Variants in TAX1BP1 observed in about 807,000 individuals in gnomAD.
TAX1BP1 encodes Tax1 binding protein 1, also known as tax1-binding protein 1.
TAX1BP1 carries 62 observed loss-of-function variants against 97.7 expected under a neutral mutation model. That is an observed-to-expected ratio of 0.63 (90% CI 0.52 to 0.78). The LOEUF is 0.78. Ranked by LOEUF, TAX1BP1 falls within the 30% of genes least tolerant of loss-of-function variation. The pLI is 0.00. For synonymous variants in TAX1BP1, 340 were observed against 304.2 expected (o/e 1.12, Z -1.23); for missense variants, 867 against 916.1 (o/e 0.95, Z 0.69).
Position 27,766,194 on chromosome 7 carries a change from G to T in TAX1BP1, c.453+173G>T, listed in dbSNP as rs1788626568. ...CCGGCACTCTGGGAGGCCGAGGCAG[G>T]CAGATCACGATGTCAGGATATCGAG... is the stretch of plus-strand genomic sequence containing the variant. On this transcript the variant is annotated intron_variant, in intron 4 of 16. Transcript: ENST00000396319. Among the ~76,000 whole-genome samples the T allele has an allele frequency of 1.3e-5, 2 of 152,084 alleles. 1 individual carries two copies. The highest frequency in any genetic ancestry group is 4.1e-4 in the South Asian group (2 of 4,832).
chr7:27,749,649 A>G (rs1787952349), intron 2 of TAX1BP1, among the ~76,000 whole-genome samples: 1 of 152,208 alleles, frequency 6.6e-6, no homozygotes, highest in African/African-American at 2.4e-5. Flanking sequence ...CCTTTCTTTG[A>G]ATTCCTCATT....
At chr7:27,744,314 A>G (rs1787737645) in intron 1 of TAX1BP1, among the ~76,000 whole-genome samples, 1 of 151,966 alleles carries the variant, frequency 6.6e-6, no homozygotes, top group Non-Finnish European at 1.5e-5. Flanking sequence ...TTTAGTAGAG[A>G]TGGGTTTTCA....
At position 27,785,442 on chromosome 7, in the gene TAX1BP1, C is replaced by T. The variant is rs142832236; in HGVS notation, c.805C>T (p.Leu269Phe). Reference sequence around the variant, plus strand: ...GAAGGCACAACATGAAAGAGAACAACTTGAATGTCAGTTGAAGACAGAGAA... The same window carrying T: ...GAAGGCACAACATGAAAGAGAACAATTTGAATGTCAGTTGAAGACAGAGAA... Reference protein sequence around the residue: ...LKKAQHEREQLECQLKTEKDE... With the variant: ...LKKAQHEREQFECQLKTEKDE... Residue 269 changes from leucine to phenylalanine, a missense_variant, in exon 7 of 17, where the codon CTT (leucine) becomes TTT (phenylalanine). This residue lies in a region of TAX1BP1 where 822 missense variants were observed against 851.4 expected (regional missense o/e 0.97). Coordinates refer to ENST00000396319, the MANE Select transcript of TAX1BP1 (RefSeq NM_006024.7). The T allele has an allele frequency of 2.8e-4, 455 of 1,613,618 alleles. 1 individual carries two copies. Among genetic ancestry groups the T allele is most frequent in the South Asian group, 1.9e-3 (176 of 90,928 alleles).
At chr7:27,778,649 G>A (rs1411968651) in intron 5 of TAX1BP1, among the ~76,000 whole-genome samples, 2 of 152,054 alleles carry the variant, frequency 1.3e-5, no homozygotes, top group Admixed American at 6.5e-5. Flanking sequence ...TGGATCACAA[G>A]GTCAAGAGAT....
intron 2 of TAX1BP1, among the ~76,000 whole-genome samples, chr7:27,754,280 T>C (rs902214406): frequency 5.9e-5 from 9 of 151,696 alleles, no homozygotes; most frequent in South Asian, 2.1e-4. Flanking sequence ...TTTTCCTCCT[T>C]CTTCTCTTTT....
intron 12 of TAX1BP1, among the ~76,000 whole-genome samples, chr7:27,799,341 T>TA (rs1312873957): frequency 6.6e-6 from 1 of 152,216 alleles, no homozygotes; most frequent in Non-Finnish European, 1.5e-5. Context: ...TCATGATTTG[T>TA]AAGTCCTCCT....
At chr7:27,758,193 T>C in intron 3 of TAX1BP1, 60 bp downstream of exon 3, 2 of 1,276,672 alleles carry the variant, frequency 1.6e-6, no homozygotes, top group Non-Finnish European at 2.2e-6. Flanking sequence ...ATTAAAGATG[T>C]TGTACTCCAT....
chr7:27,745,605 A>G (rs1366743448), intron 1 of TAX1BP1, among the ~76,000 whole-genome samples: 2 of 152,202 alleles, frequency 1.3e-5, no homozygotes, highest in Non-Finnish European at 2.9e-5. Flanking sequence ...AGTGTTGGAG[A>G]GAGATTAATG....
chr7:27,809,065 ATATAT>A lies in TAX1BP1; in HGVS notation c.1765-7283_1765-7279del, dbSNP rs1475724560. 1.2e-4 allele frequency among the ~76,000 whole-genome samples: 7 copies of A among 57,862 alleles called. No individual in the cohort carries two copies. The East Asian group carries it at 1.8e-3, about 15-fold the overall frequency. 38.0% of individuals were successfully genotyped at this position (57,862 alleles called of 152,430 possible). A position where few individuals can be genotyped will look rare whatever the true frequency, so the allele number is the denominator to read the frequency against. On this transcript the variant is annotated intron_variant, in intron 13 of 16. Transcript: ENST00000396319. ...CAAAATATTAAGACAAATTTGTGATATATATGATAGAGTATGTGCTTATTCTTTTA... is the reference window on the plus strand; with the variant it reads ...CAAAATATTAAGACAAATTTGTGATAGATAGAGTATGTGCTTATTCTTTTA...
intron 13 of TAX1BP1, among the ~76,000 whole-genome samples, chr7:27,804,156 T>A (rs1398642890): frequency 6.6e-6 from 1 of 152,218 alleles, no homozygotes; most frequent in African/African-American, 2.4e-5. Context: ...CTGTATTTTT[T>A]AATTGTATAG....
rs567008715 is a variant in TAX1BP1 at position 27,766,186 on chromosome 7, C to T, written c.453+165C>T. Among the ~76,000 whole-genome samples the T allele has an allele frequency of 3.9e-5, 6 of 152,108 alleles. No homozygotes were observed. The East Asian group carries it at 5.8e-4, about 15-fold the overall frequency. On this transcript the variant is annotated intron_variant, in intron 4 of 16. Transcript: ENST00000396319. ...CTGTAATCCCGGCACTCTGGGAGGC[C>T]GAGGCAGGCAGATCACGATGTCAGG...
intron 1 of TAX1BP1, among the ~76,000 whole-genome samples, chr7:27,744,919 A>T (rs1261174400): frequency 6.6e-6 from 1 of 152,254 alleles, no homozygotes; most frequent in African/African-American, 2.4e-5. Context: ...TTACAGCATA[A>T]CACACATAAA....
At position 27,820,095 on chromosome 7, in the gene TAX1BP1, A is replaced by G. The variant is rs148565835; in HGVS notation, c.2085+3057A>G. ...TCATATGATTTTTAACATTTGGGAT[A>G]CGCTATTTTAAAACTGCCTAACCCC... On this transcript the variant is annotated intron_variant, in intron 15 of 16. Coordinates refer to ENST00000396319, the MANE Select transcript of TAX1BP1 (RefSeq NM_006024.7). Among the ~76,000 whole-genome samples, 73 of 152,352 alleles carry G rather than the reference A, an allele frequency of 4.8e-4. 1 individual carries two copies. In the East Asian group the frequency reaches 0.013, roughly 28 times the overall value.
At chr7:27,816,757 G>A (rs1790782613) in intron 14 of TAX1BP1, 133 bp from the exon 15 acceptor site, 2 of 1,176,840 alleles carry the variant, frequency 1.7e-6, no homozygotes, top group South Asian at 1.5e-5. Flanking sequence ...AAAATCACCT[G>A]GGTTAAAAAT....
At chr7:27,767,083 G>A (rs1311247761) in intron 4 of TAX1BP1, among the ~76,000 whole-genome samples, 1 of 152,012 alleles carries the variant, frequency 6.6e-6, no homozygotes, top group Non-Finnish European at 1.5e-5. Context: ...AAAAAATAGA[G>A]TGACATTCTT....
intron 1 of TAX1BP1, among the ~76,000 whole-genome samples, chr7:27,747,328 A>C (rs1787862344): frequency 6.6e-6 from 1 of 152,194 alleles, no homozygotes; most frequent in Non-Finnish European, 1.5e-5. Context: ...TGGATCTTGC[A>C]GTTTTTATAA....
chr7:27,750,552 T>A (rs1787983559), intron 2 of TAX1BP1, among the ~76,000 whole-genome samples: 1 of 152,168 alleles, frequency 6.6e-6, no homozygotes, highest in African/African-American at 2.4e-5. Context: ...TTAGGGAAGT[T>A]GTGGGAGATG....
intron 2 of TAX1BP1, among the ~76,000 whole-genome samples, chr7:27,753,297 C>T (rs1489367779): frequency 6.6e-6 from 1 of 151,012 alleles, no homozygotes; most frequent in Non-Finnish European, 1.5e-5. Context: ...GAGACTCCGT[C>T]TCAAATAAAA....
chr7:27,812,352 T>C (rs1790588484), intron 13 of TAX1BP1, among the ~76,000 whole-genome samples: 1 of 152,214 alleles, frequency 6.6e-6, no homozygotes. Context: ...GTCTGTCATC[T>C]TTGGTTGCGA....
Sources: gnomAD v4.1 joint callset for allele counts (sites outside exome capture counted in the v4.1 genomes callset) on GRCh38, gnomAD v4.1.1 for gene constraint, gnomAD v4.1.1 regional missense constraint, MANE v1.5 for transcripts, NCBI Gene and HGNC (gene_info 2026-07-23, HGNC 2026-07-21) for gene names.